The following IGSF21 variants were observed in gnomAD, a reference collection of about 807,000 sequenced individuals.
The protein encoded by IGSF21 is immunoglobin superfamily member 21.
IGSF21 carries 28 observed loss-of-function variants against 46.8 expected under a neutral mutation model. The ratio of observed to expected loss-of-function variants is 0.60; its 90% CI spans 0.44 to 0.82. The LOEUF (loss-of-function observed/expected upper bound fraction) is 0.82, where lower values mean the gene tolerates loss of function less well. Among genes scored for constraint, IGSF21 ranks in the 40% least tolerant of loss-of-function variants. The probability of loss-of-function intolerance (pLI) is 0.00; values close to 1 mark genes in which losing one functional copy is unlikely to be tolerated. For synonymous variants in IGSF21, 284 were observed against 273.6 expected, an observed-to-expected ratio of 1.04 and a Z score of -0.38; for missense variants, 624 against 665.5, an observed-to-expected ratio of 0.94 and a Z score of 0.69.
intron 2 of IGSF21, among the ~76,000 whole-genome samples, chr1:18,264,084 A>C (rs2084969837): frequency 6.6e-6 from 1 of 152,232 alleles, no homozygotes; most frequent in Non-Finnish European, 1.5e-5. Flanking sequence ...TTCCTCTTAC[A>C]GAGAGAAGCC....
intron 4 of IGSF21, among the ~76,000 whole-genome samples, chr1:18,344,033 G>A (rs2085868824): frequency 6.6e-6 from 1 of 152,134 alleles, no homozygotes; most frequent in African/African-American, 2.4e-5. Context: ...ACTTCCAGGA[G>A]GCCCAGCCAG....
chr1:18,252,709 A>T (rs1447795914), intron 2 of IGSF21, among the ~76,000 whole-genome samples: 1 of 152,072 alleles, frequency 6.6e-6, no homozygotes, highest in African/African-American at 2.4e-5. Context: ...TGCCCACCCA[A>T]ATCTGTCTGC....
chr1:18,369,398 T>C (rs2124635891), intron 6 of IGSF21, among the ~76,000 whole-genome samples: 1 of 152,316 alleles, frequency 6.6e-6, no homozygotes, highest in African/African-American at 2.4e-5. Context: ...GTTGCTATCA[T>C]ATTATTCCCA....
rs1453916613 is a variant in IGSF21 at position 18,350,114 on chromosome 1, G to T, written c.425-12001G>T. ...GGCCCTCGCTCCTCCAGGCTGTCAT[G>T]GTCCCTGCTCACCCACTGTCCACTT... On this transcript the variant is annotated intron_variant, in intron 4 of 9. Coordinates refer to ENST00000251296, the MANE Select transcript of IGSF21 (RefSeq NM_032880.5). Among the ~76,000 whole-genome samples the T allele has an allele frequency of 2.6e-5, 4 of 152,148 alleles. No homozygotes were observed. In the South Asian group the frequency reaches 6.2e-4, roughly 24 times the overall value.
rs60549864 is a variant in IGSF21, at chr1:18,231,609, A to G, written c.183+3599A>G. 3.1e-3 allele frequency among the ~76,000 whole-genome samples: 478 copies of G among 152,354 alleles called. 2 individuals are homozygous for G. Among genetic ancestry groups the G allele is most frequent in the African/African-American group, 0.01 (433 of 41,578 alleles). Reference sequence around the variant, plus strand: ...GTCACACGTGGATGTTAACATTTAAATTAAATCAAATTAATTTTAAAATTC... The same window carrying G: ...GTCACACGTGGATGTTAACATTTAAGTTAAATCAAATTAATTTTAAAATTC... On this transcript the variant is annotated intron_variant, in intron 2 of 9. Coordinates refer to ENST00000251296, the MANE Select transcript of IGSF21 (RefSeq NM_032880.5).
At chr1:18,369,237 G>A (rs886420666) in intron 6 of IGSF21, among the ~76,000 whole-genome samples, 1 of 152,184 alleles carries the variant, frequency 6.6e-6, no homozygotes. Flanking sequence ...ACTTCTTAAC[G>A]TCTCTGAGTC....
chr1:18,265,860 A>G (rs2084985010), intron 2 of IGSF21, among the ~76,000 whole-genome samples: 1 of 152,224 alleles, frequency 6.6e-6, no homozygotes, highest in African/African-American at 2.4e-5. Context: ...AGGTGCAGCC[A>G]ATGGGCTCTG....
At chr1:18,191,463 G>A (rs560356000) in intron 1 of IGSF21, among the ~76,000 whole-genome samples, 2 of 152,270 alleles carry the variant, frequency 1.3e-5, no homozygotes, top group East Asian at 3.9e-4. Context: ...TCCCGGAGCA[G>A]GAGATTATGT....
In IGSF21 at chr1:18,305,509, GATGA is replaced by G. The variant is rs1180024099; in HGVS notation, c.305+13526_305+13529del. 7.3e-3 allele frequency among the ~76,000 whole-genome samples: 880 copies of G among 121,056 alleles called. 27 individuals carry two copies. Among genetic ancestry groups the G allele is most frequent in the South Asian group, 0.025 (85 of 3,418 alleles). The allele number at this position is 121,056 out of a possible 152,430, so 79.4% of individuals were successfully genotyped here. On this transcript the variant is annotated intron_variant, in intron 3 of 9. Transcript: ENST00000251296. ...TGGATGATGGATGGATGGATGGATG[GATGA>G]ATGGATGGATGGATTATGAATGGAT...
At chr1:18,245,753 G>A (rs1002256286) in intron 2 of IGSF21, among the ~76,000 whole-genome samples, 5 of 152,172 alleles carry the variant, frequency 3.3e-5, no homozygotes, top group African/African-American at 7.2e-5. Context: ...TGTTGCTGCT[G>A]CTTGGCAGGG....
intron 2 of IGSF21, among the ~76,000 whole-genome samples, chr1:18,234,048 G>T (rs770771165): frequency 9.2e-5 from 14 of 152,170 alleles, no homozygotes; most frequent in Non-Finnish European, 2.1e-4. Flanking sequence ...ACTCTCGGGT[G>T]ACCAAGAGAG....
chr1:18,120,086 T>G (rs1269455068), intron 1 of IGSF21, among the ~76,000 whole-genome samples: 2 of 152,204 alleles, frequency 1.3e-5, no homozygotes, highest in Non-Finnish European at 2.9e-5. Context: ...ATCAATCAGG[T>G]TCTGGCAGGA....
chr1:18,178,266 T>G (rs2086822867), intron 1 of IGSF21, among the ~76,000 whole-genome samples: 1 of 152,176 alleles, frequency 6.6e-6, no homozygotes, highest in Non-Finnish European at 1.5e-5. Flanking sequence ...ATCCCCTTAA[T>G]TATTCTTTAC....
At chr1:18,249,380 G>GT (rs1490704227) in intron 2 of IGSF21, among the ~76,000 whole-genome samples, 2 of 152,168 alleles carry the variant, frequency 1.3e-5, no homozygotes, top group Non-Finnish European at 2.9e-5. Context: ...TGGGCAATAG[G>GT]TGGGTGGCCA....
At chr1:18,142,750 G>A (rs867152719) in intron 1 of IGSF21, among the ~76,000 whole-genome samples, 3 of 152,222 alleles carry the variant, frequency 2.0e-5, no homozygotes, top group Non-Finnish European at 4.4e-5. Context: ...GCTGATTAGC[G>A]CTTCCCCCAG....
rs980742893 is a variant in IGSF21, at chr1:18,109,409, CG to C, written c.70+1212del. On this transcript the variant is annotated intron_variant, in intron 1 of 9. Coordinates refer to ENST00000251296, the MANE Select transcript of IGSF21 (RefSeq NM_032880.5). The surrounding 1 kb of genome is among the most constrained non-coding windows in gnomAD (Gnocchi z 4.8). ...TTTATGATCAATAAGGTCTCGACCC[CG>C]AGCCCCACTGGATGATAGAGGTGGG... The C allele has an allele frequency of 4.9e-4, 75 of 152,110 alleles. No individual in the cohort carries two copies. The highest frequency in any genetic ancestry group is 1.8e-3 in the African/African-American group (74 of 41,424). 9.4% of individuals were successfully genotyped at this position (152,110 alleles called of 1,614,324 possible).
At chr1:18,199,899 C>G (rs12095725) in intron 1 of IGSF21, among the ~76,000 whole-genome samples, 11 of 147,064 alleles carry the variant, frequency 7.5e-5, no homozygotes, top group African/African-American at 1.5e-4. Context: ...CCGGCCCCCC[C>G]CTACCCCCGT....
chr1:18,255,041 G>C (rs1186404825), intron 2 of IGSF21, among the ~76,000 whole-genome samples: 2 of 152,204 alleles, frequency 1.3e-5, no homozygotes, highest in Non-Finnish European at 2.9e-5. Flanking sequence ...TAGGTGCTTT[G>C]AAGCCACAAG....
intron 1 of IGSF21, chr1:18,113,372 G>A (rs1187662246): frequency 6.6e-6 from 1 of 152,142 alleles, no homozygotes; most frequent in Non-Finnish European, 1.5e-5. Flanking sequence ...AGCAATAAAG[G>A]TAGTGTGTAT....
Sources: gnomAD v4.1 joint callset for allele counts (sites outside exome capture counted in the v4.1 genomes callset) on GRCh38, gnomAD v4.1.1 for gene constraint, Gnocchi (gnomAD v3.1) non-coding constraint, MANE v1.5 for transcripts, NCBI Gene and HGNC (gene_info 2026-07-23, HGNC 2026-07-21) for gene names.